AIM2: variants seen among roughly 807,000 people sequenced by gnomAD.
AIM2 encodes the protein absent in melanoma 2, also known as interferon-inducible protein AIM2.
A neutral mutation model predicts 27.7 loss-of-function variants in AIM2; 30 were observed. The ratio of observed to expected loss-of-function variants is 1.08; its 90% CI spans 0.81 to 1.47. The LOEUF is 1.47. AIM2 is among the 40% of genes most tolerant of loss of function. The pLI, the probability that AIM2 is intolerant of heterozygous loss-of-function variation, is 0.00. For missense variants in AIM2, 358 were observed against 411.3 expected, an observed-to-expected ratio of 0.87 and a Z score of 1.12; for synonymous variants, 141 against 145.3, an observed-to-expected ratio of 0.97 and a Z score of 0.21.
chr1:159,095,565 A>T (rs1222294020), intron 1 of AIM2, among the ~76,000 whole-genome samples: 1 of 152,166 alleles, frequency 6.6e-6, no homozygotes, highest in Non-Finnish European at 1.5e-5. Flanking sequence ...TATGTTCTGC[A>T]CTTTTTTCTG....
chr1:159,082,854 G>A (rs1390304528), intron 1 of AIM2, among the ~76,000 whole-genome samples: 1 of 152,126 alleles, frequency 6.6e-6, no homozygotes, highest in Non-Finnish European at 1.5e-5. Context: ...CTTGAACCTT[G>A]ACTTGTACAC....
At chr1:159,125,752 C>T (rs1322545101) in intron 1 of AIM2, among the ~76,000 whole-genome samples, 5 of 152,074 alleles carry the variant, frequency 3.3e-5, no homozygotes, top group Admixed American at 1.3e-4. Flanking sequence ...TCATGGCTGA[C>T]CCTTTAGAGA....
chr1:159,122,479 T>C (rs180933085), intron 1 of AIM2: 1 of 152,312 alleles, frequency 6.6e-6, no homozygotes, highest in Non-Finnish European at 1.5e-5. Flanking sequence ...CATTCCCAAC[T>C]GGAAGCAAGG....
chr1:159,099,689 T>G (rs190894423), intron 1 of AIM2, among the ~76,000 whole-genome samples: 1 of 152,034 alleles, frequency 6.6e-6, no homozygotes, highest in Non-Finnish European at 1.5e-5. Flanking sequence ...TTCTCCTTGA[T>G]AGAGAATGCC....
intron 2 of AIM2, among the ~76,000 whole-genome samples, chr1:159,072,432 C>G (rs757438542): frequency 2.0e-5 from 3 of 152,132 alleles, no homozygotes; most frequent in African/African-American, 7.2e-5. Flanking sequence ...ACTTTGAATC[C>G]TAAAACTGTT....
At chr1:159,090,673 C>A (rs1297730975) in intron 1 of AIM2, among the ~76,000 whole-genome samples, 1 of 152,090 alleles carries the variant, frequency 6.6e-6, no homozygotes, top group Non-Finnish European at 1.5e-5. Flanking sequence ...GGAGGTTATT[C>A]ATTTGTCTTT....
chr1:159,073,588 T>C, intron 1 of AIM2, 69 bp from the exon 2 acceptor site: 1 of 1,414,732 alleles, frequency 7.1e-7, no homozygotes, highest in Non-Finnish European at 9.6e-7. Context: ...TAAAGCAAGG[T>C]GAGCTATTAA....
At chr1:159,110,325 C>T (rs539105611) in intron 1 of AIM2, among the ~76,000 whole-genome samples, 1 of 152,310 alleles carries the variant, frequency 6.6e-6, no homozygotes, top group South Asian at 2.1e-4. Context: ...TAAAACCTCT[C>T]TCAGGAGCCA....
chr1:159,123,278 C>T (rs563976204), intron 1 of AIM2, among the ~76,000 whole-genome samples: 2 of 152,302 alleles, frequency 1.3e-5, no homozygotes, highest in East Asian at 1.9e-4. Flanking sequence ...ATCTAAATTG[C>T]TTTCCTAAAG....
chr1:159,097,137 G>A (rs1205132619), intron 1 of AIM2, among the ~76,000 whole-genome samples: 2 of 152,008 alleles, frequency 1.3e-5, no homozygotes, highest in African/African-American at 2.4e-5. Flanking sequence ...CAGGCAAACC[G>A]CTAAGTCTTG....
chr1:159,089,511 T>A (rs755600093), intron 1 of AIM2, among the ~76,000 whole-genome samples: 25 of 152,344 alleles, frequency 1.6e-4, no homozygotes, highest in Non-Finnish European at 1.3e-4. Context: ...GCCCCTGTGT[T>A]GGATTGTTTG....
intron 1 of AIM2, among the ~76,000 whole-genome samples, chr1:159,145,567 A>G (rs538319662): frequency 1.3e-5 from 2 of 152,210 alleles, no homozygotes; most frequent in East Asian, 3.9e-4. Flanking sequence ...ACTTTCAGAA[A>G]CCATTCCAAG....
At chr1:159,123,254 C>T (rs1214037033) in intron 1 of AIM2, among the ~76,000 whole-genome samples, 6 of 152,162 alleles carry the variant, frequency 3.9e-5, no homozygotes, top group Non-Finnish European at 8.8e-5. Flanking sequence ...GATGAGAAAA[C>T]TGAGACTTGG....
At chr1:159,057,827 A>G (rs181596794), downstream of AIM2, among the ~76,000 whole-genome samples, 11 of 152,360 alleles carry the variant, frequency 7.2e-5, no homozygotes, top group East Asian at 2.1e-3. Context: ...TTTGCAAAAT[A>G]GATTGTAGTC....
At chr1:159,125,361 G>A (rs775181653) in intron 1 of AIM2, among the ~76,000 whole-genome samples, 3 of 152,192 alleles carry the variant, frequency 2.0e-5, no homozygotes, top group Non-Finnish European at 2.9e-5. Flanking sequence ...TTAGATTTAG[G>A]AGACAAACAT....
intron 4 of AIM2, 148 bp from the exon 5 acceptor site, chr1:159,063,822 A>T: frequency 1.2e-6 from 1 of 838,336 alleles, no homozygotes; most frequent in South Asian, 1.9e-5. Flanking sequence ...GTCCATTTAT[A>T]TGGGAATTTT....
chr1:159,085,963 T>C (rs1656904235), intron 1 of AIM2, among the ~76,000 whole-genome samples: 2 of 152,238 alleles, frequency 1.3e-5, no homozygotes, highest in Admixed American at 6.5e-5. Context: ...AACTTTATCA[T>C]TTCATAATGT....
chr1:159,126,079 C>G (rs998531994), intron 1 of AIM2, among the ~76,000 whole-genome samples: 20 of 152,186 alleles, frequency 1.3e-4, no homozygotes, highest in Admixed American at 2.0e-4. Flanking sequence ...AAGGAATGTT[C>G]CTTCATTTCT....
chr1:159,092,821 C>A (rs748291258), intron 1 of AIM2, among the ~76,000 whole-genome samples: 1 of 151,892 alleles, frequency 6.6e-6, no homozygotes, highest in Non-Finnish European at 1.5e-5. Context: ...GTCAGGAGTT[C>A]GAAACCACCC....
Sources: gnomAD v4.1 joint callset for allele counts (sites outside exome capture counted in the v4.1 genomes callset) on GRCh38, gnomAD v4.1.1 for gene constraint, MANE v1.5 for transcripts, NCBI Gene and HGNC (gene_info 2026-07-23, HGNC 2026-07-21) for gene names.